Variants in SSH2 observed in about 807,000 individuals in gnomAD.
SSH2 encodes the protein slingshot protein phosphatase 2, also known as protein phosphatase Slingshot homolog 2.
A neutral mutation model predicts 135.2 loss-of-function variants in SSH2; 37 were observed. The observed-to-expected ratio is 0.27, with a 90% CI of 0.21 to 0.36. The LOEUF (loss-of-function observed/expected upper bound fraction) is 0.36. Ranked by LOEUF, SSH2 falls within the 10% of genes least tolerant of loss-of-function variation. The pLI, the probability that SSH2 is intolerant of heterozygous loss-of-function variation, is 1.00. For synonymous variants in SSH2, 628 were observed against 646.2 expected (o/e 0.97, Z 0.43); for missense variants, 1,408 against 1,765.3 (o/e 0.80, Z 3.63).
rs754984395 is a variant in SSH2, at chr17:29,631,699, A to C, written c.3495T>G (p.Val1165=). 6 of 1,614,184 alleles carry C rather than the reference A, an allele frequency of 3.7e-6. No homozygotes were observed. The South Asian group carries it at 6.6e-5, about 18-fold the overall frequency. Residue 1165 remains valine (V), a synonymous_variant, in exon 16 of 16, where the codon GTT becomes GTG. Coordinates refer to ENST00000540801, the MANE Select transcript of SSH2 (RefSeq NM_001282129.2). ...TCTGCTCTGTGAAGCCCTCCAGGTG[A>C]ACCATAGTCTGGGGATGCAGGTAAT... ...SLDYLHPQTM[V]HLEGFTEQSS...
chr17:29,722,565 A>C (rs535200963), intron 3 of SSH2, among the ~76,000 whole-genome samples: 1 of 152,330 alleles, frequency 6.6e-6, no homozygotes, highest in African/African-American at 2.4e-5. Flanking sequence ...GCTTAAGACA[A>C]AGGACACAAT....
chr17:29,785,700 C>T (rs1443659504), intron 3 of SSH2, among the ~76,000 whole-genome samples: 2 of 151,562 alleles, frequency 1.3e-5, no homozygotes, highest in Non-Finnish European at 2.9e-5. Flanking sequence ...GGGGTTTTGC[C>T]ATGTTGACCA....
intron 3 of SSH2, chr17:29,761,093 C>G: frequency 7.8e-7 from 1 of 1,285,972 alleles, no homozygotes; most frequent in Admixed American, 2.3e-5. Flanking sequence ...AAAGCGGCTG[C>G]TGAAAGAGCA....
chr17:29,727,891 T>C (rs1364516845), intron 3 of SSH2, among the ~76,000 whole-genome samples: 1 of 152,116 alleles, frequency 6.6e-6, no homozygotes, highest in East Asian at 1.9e-4. Context: ...AAATTATCCT[T>C]GTTTGCAGGC....
chr17:29,761,405 C>G (rs1416062989), intron 3 of SSH2: 1 of 1,060,490 alleles, frequency 9.4e-7, no homozygotes, highest in African/African-American at 1.7e-5. Context: ...CCGCCGAAGC[C>G]CCAGGGCTCG....
chr17:29,693,642 A>C (rs2151099834), intron 5 of SSH2, among the ~76,000 whole-genome samples: 1 of 152,314 alleles, frequency 6.6e-6, no homozygotes, highest in Admixed American at 6.5e-5. Flanking sequence ...GAAATATATC[A>C]AGAAATACAG....
Position 29,636,646 on chromosome 17 carries a change from T to C in SSH2, c.1584A>G (p.Pro528=). 6.2e-7 allele frequency: 1 copy of C among 1,614,080 alleles called. No homozygotes were observed. Among genetic ancestry groups the C allele is most frequent in the Non-Finnish European group, 8.5e-7 (1 of 1,180,012 alleles). ...IAEVKTMESH[P]PIPPVFVEHM... ...GTTCCACAAAGACAGGAGGTATGGG[T>C]GGGTGACTCTCCATGGTCTTCACCT... Residue 528 remains proline, a synonymous_variant, in exon 15 of 16, where the codon CCA becomes CCG. Transcript: ENST00000540801.
At chr17:29,653,560 A>G (rs1368589011) in intron 12 of SSH2, among the ~76,000 whole-genome samples, 1 of 151,912 alleles carries the variant, frequency 6.6e-6, no homozygotes, top group Non-Finnish European at 1.5e-5. Context: ...AATATTAAAC[A>G]CTGTATCTAG....
chr17:29,878,727 T>C (rs1202416749), intron 1 of SSH2, among the ~76,000 whole-genome samples: 2 of 152,172 alleles, frequency 1.3e-5, no homozygotes, highest in Non-Finnish European at 2.9e-5. Context: ...AGTATTACCA[T>C]AAGGCATATG....
intron 3 of SSH2, among the ~76,000 whole-genome samples, chr17:29,718,842 C>T (rs1159599717): frequency 1.3e-5 from 2 of 151,510 alleles, no homozygotes; most frequent in African/African-American, 2.4e-5. Context: ...TAATAGGAGA[C>T]CTCAGTTCTT....
intron 3 of SSH2, among the ~76,000 whole-genome samples, chr17:29,733,409 G>T (rs1053445662): frequency 6.6e-6 from 1 of 152,178 alleles, no homozygotes; most frequent in South Asian, 2.1e-4. Context: ...TGAAACATAA[G>T]TATAACAAAT....
intron 2 of SSH2, among the ~76,000 whole-genome samples, chr17:29,812,161 CTTTTTTTTT>C (rs748811941): frequency 8.2e-6 from 1 of 121,612 alleles, no homozygotes; most frequent in Non-Finnish European, 1.8e-5. Flanking sequence ...AGTATGTGTT[CTTTTTTTTT>C]TTTTTTTTAA....
chr17:29,814,913 A>T (rs951650785), intron 2 of SSH2, among the ~76,000 whole-genome samples: 5 of 150,812 alleles, frequency 3.3e-5, no homozygotes, highest in African/African-American at 7.3e-5. Context: ...TGAATTAGGG[A>T]TGGGGAAAAT....
intron 2 of SSH2, among the ~76,000 whole-genome samples, chr17:29,820,191 T>C (rs1040813475): frequency 4.9e-4 from 74 of 152,208 alleles, no homozygotes; most frequent in African/African-American, 1.7e-3. Flanking sequence ...GACCTAATGA[T>C]AATAATAGCT....
intron 2 of SSH2, among the ~76,000 whole-genome samples, chr17:29,825,573 T>C (rs2042728614): frequency 6.6e-6 from 1 of 152,214 alleles, no homozygotes; most frequent in Non-Finnish European, 1.5e-5. Flanking sequence ...TATACTTACT[T>C]TGAAGACTAG....
At chr17:29,795,787 G>C (rs1231935192) in intron 2 of SSH2, among the ~76,000 whole-genome samples, 1 of 151,834 alleles carries the variant, frequency 6.6e-6, no homozygotes, top group Non-Finnish European at 1.5e-5. Flanking sequence ...TGTCACCCAG[G>C]CTGGAGTGCA....
At chr17:29,871,707 TA>T (rs1185265122) in intron 1 of SSH2, among the ~76,000 whole-genome samples, 9 of 152,282 alleles carry the variant, frequency 5.9e-5, no homozygotes. Context: ...GATAAGAGAT[TA>T]TAAATGTTTC....
intron 2 of SSH2, among the ~76,000 whole-genome samples, chr17:29,833,711 T>TTCCCTCCTTCCCTCCC (rs2042890287): frequency 3.1e-5 from 3 of 96,768 alleles, no homozygotes; most frequent in South Asian, 1.0e-3. Context: ...CTCCCTCTCT[T>TTCCCTCCTTCCCTCCC]TCCCTCCTTC....
chr17:29,860,798 T>A (rs1322161548), intron 1 of SSH2, among the ~76,000 whole-genome samples: 10 of 151,342 alleles, frequency 6.6e-5, no homozygotes, highest in Non-Finnish European at 1.0e-4. Flanking sequence ...CAGGCTAGAG[T>A]GCAGTGGCAT....
Sources: gnomAD v4.1 joint callset for allele counts (sites outside exome capture counted in the v4.1 genomes callset) on GRCh38, gnomAD v4.1.1 for gene constraint, MANE v1.5 for transcripts, NCBI Gene and HGNC (gene_info 2026-07-23, HGNC 2026-07-21) for gene names.